The following DHX57 variants were observed in gnomAD, a reference collection of about 807,000 sequenced individuals.
DHX57 encodes the protein putative ATP-dependent RNA helicase DHX57.
Under a neutral mutation model 156.2 loss-of-function variants are expected in DHX57, and 105 were observed. That is an observed-to-expected ratio of 0.67 (90% CI 0.57 to 0.79). The LOEUF (loss-of-function observed/expected upper bound fraction) is 0.79, where lower values mean the gene tolerates loss of function less well. Ranked by LOEUF, DHX57 falls within the 30% of genes least tolerant of loss-of-function variation. The pLI, the probability that DHX57 is intolerant of heterozygous loss-of-function variation, is 0.00. For synonymous variants in DHX57, 704 were observed against 595.6 expected (o/e 1.18, Z -2.65); for missense variants, 1,847 against 1,661.9 (o/e 1.11, Z -1.94).
At chr2:38,866,493 G>A (rs566637269) in intron 2 of DHX57, among the ~76,000 whole-genome samples, 241 of 152,122 alleles carry the variant, frequency 1.6e-3, no homozygotes, top group Non-Finnish European at 2.9e-3. Context: ...TTCTATTTTG[G>A]TATTTTATAT....
At chr2:38,799,548 C>T (rs1669568777) in intron 23 of DHX57, among the ~76,000 whole-genome samples, 1 of 137,836 alleles carries the variant, frequency 7.3e-6, no homozygotes, top group South Asian at 2.3e-4. Flanking sequence ...GGTGGAAGTT[C>T]GAGACCAGCT....
intron 19 of DHX57, among the ~76,000 whole-genome samples, chr2:38,818,449 C>T (rs1446815132): frequency 6.6e-6 from 1 of 152,088 alleles, no homozygotes; most frequent in Non-Finnish European, 1.5e-5. Flanking sequence ...ATCACTTGAC[C>T]CTGGGAGGCG....
At chr2:38,869,960 T>A (rs1572717335) in intron 1 of DHX57, among the ~76,000 whole-genome samples, 1 of 152,182 alleles carries the variant, frequency 6.6e-6, no homozygotes, top group African/African-American at 2.4e-5. Context: ...AAGGAAGGTA[T>A]GATGACAATG....
chr2:38,819,744 T>C (rs1486522466), intron 17 of DHX57, among the ~76,000 whole-genome samples: 2 of 152,220 alleles, frequency 1.3e-5, no homozygotes. Context: ...CCTAACATTC[T>C]GTTATCTGGG....
chr2:38,837,144 T>A (rs1350684658), intron 13 of DHX57, among the ~76,000 whole-genome samples: 1 of 152,168 alleles, frequency 6.6e-6, no homozygotes, highest in Non-Finnish European at 1.5e-5. Context: ...CCATTGCACC[T>A]GGCATGTATT....
chr2:38,811,014 T>A (rs984748456), intron 21 of DHX57: 50 of 712,582 alleles, frequency 7.0e-5, no homozygotes, highest in Non-Finnish European at 1.2e-4. Flanking sequence ...TTGAAAATGT[T>A]GGGGGTGTTG....
At chr2:38,837,470 G>A (rs956733665) in intron 13 of DHX57, among the ~76,000 whole-genome samples, 4 of 151,754 alleles carry the variant, frequency 2.6e-5, no homozygotes, top group Admixed American at 2.6e-4. Context: ...AATTAGCCAG[G>A]TGTGGTGGCA....
At chr2:38,822,404 G>GT (rs1001133309) in intron 17 of DHX57, among the ~76,000 whole-genome samples, 46 of 139,516 alleles carry the variant, frequency 3.3e-4, no homozygotes, top group East Asian at 1.7e-3. Flanking sequence ...AATATTAGTT[G>GT]TTTTTTTTTT....
intron 2 of DHX57, among the ~76,000 whole-genome samples, chr2:38,866,101 C>G (rs532880226): frequency 6.6e-6 from 1 of 152,268 alleles, no homozygotes; most frequent in South Asian, 2.1e-4. Flanking sequence ...GCACCATTTT[C>G]TAATTCACAT....
At chr2:38,867,355 A>G (rs1169226986) in intron 2 of DHX57, 4 of 152,252 alleles carry the variant, frequency 2.6e-5, no homozygotes, top group African/African-American at 9.6e-5. Context: ...ATAGCAAAAC[A>G]TTTACTTTTA....
At chr2:38,799,251 A>G (rs1012145181) in intron 23 of DHX57, among the ~76,000 whole-genome samples, 2 of 151,300 alleles carry the variant, frequency 1.3e-5, no homozygotes, top group African/African-American at 4.9e-5. Flanking sequence ...CTATAATTCC[A>G]GCTACTTGGG....
intron 23 of DHX57, among the ~76,000 whole-genome samples, chr2:38,802,254 T>A (rs1370583834): frequency 2.0e-5 from 3 of 150,866 alleles, no homozygotes. Context: ...TCAGCCTCAC[T>A]CTTTCTTAGT....
At chr2:38,856,142 C>G (rs1672881996) in intron 7 of DHX57, among the ~76,000 whole-genome samples, 198 bp downstream of exon 7, 1 of 152,178 alleles carries the variant, frequency 6.6e-6, no homozygotes, top group Non-Finnish European at 1.5e-5. Flanking sequence ...GCTAAATGTT[C>G]TAGAACTATC....
intron 14 of DHX57, among the ~76,000 whole-genome samples, chr2:38,827,300 C>T (rs1671135840): frequency 6.7e-6 from 1 of 150,170 alleles, no homozygotes; most frequent in Non-Finnish European, 1.5e-5. Flanking sequence ...ATTCTACAAC[C>T]AACAAGCCTA....
At chr2:38,833,386 G>T (rs867100503) in intron 13 of DHX57, among the ~76,000 whole-genome samples, 1 of 151,788 alleles carries the variant, frequency 6.6e-6, no homozygotes, top group African/African-American at 2.4e-5. Context: ...CAGGTGATCC[G>T]CCTGCCTCGG....
intron 2 of DHX57, among the ~76,000 whole-genome samples, chr2:38,865,291 C>T (rs1254773620): frequency 6.6e-6 from 1 of 152,090 alleles, no homozygotes; most frequent in Admixed American, 6.5e-5. Context: ...TGGGGGCAGT[C>T]TCCCCCATGC....
chr2:38,865,674 C>T (rs1440732049), intron 2 of DHX57, among the ~76,000 whole-genome samples: 2 of 152,146 alleles, frequency 1.3e-5, no homozygotes, highest in African/African-American at 4.8e-5. Context: ...ATTCCAAATT[C>T]TCTTAGCTTT....
At position 38,797,947 on chromosome 2, in the gene DHX57, T is replaced by TA. The variant is rs1432383567; in HGVS notation, c.*351dup. On this transcript the variant is annotated 3_prime_UTR_variant, in exon 24 of 24. Transcript: ENST00000457308. ...TCTCTTCATGCCCCTCTCACCCCAG[T>TA]AAAAAGTAGGAGAAAAAGAATACAC... 5.5e-6 allele frequency: 1 copy of TA among 183,228 alleles called. No individual in the cohort carries two copies. The highest frequency in any genetic ancestry group is 2.4e-5 in the African/African-American group (1 of 41,872). 11.4% of individuals were successfully genotyped at this position (183,228 alleles called of 1,614,324 possible). A position where few individuals can be genotyped will look rare whatever the true frequency, so the allele number is the denominator to read the frequency against.
chr2:38,804,859 C>T (rs755225604), intron 22 of DHX57, among the ~76,000 whole-genome samples: 19 of 152,316 alleles, frequency 1.2e-4, no homozygotes, highest in African/African-American at 4.6e-4. Flanking sequence ...GACCACCCCA[C>T]GTGCAGGGCC....
Sources: gnomAD v4.1 joint callset for allele counts (sites outside exome capture counted in the v4.1 genomes callset) on GRCh38, gnomAD v4.1.1 for gene constraint, MANE v1.5 for transcripts, NCBI Gene and HGNC (gene_info 2026-07-23, HGNC 2026-07-21) for gene names.